PRDM1: variants seen among roughly 807,000 people sequenced by gnomAD.
PRDM1 encodes PR domain zinc finger protein 1.
A neutral mutation model predicts 62.8 loss-of-function variants in PRDM1; 13 were observed. That is an observed-to-expected ratio of 0.21 (90% confidence interval 0.13 to 0.33). PRDM1 has a LOEUF of 0.33. PRDM1 is among the 10% of genes least tolerant of loss of function. PRDM1 has a pLI of 1.00. For synonymous variants in PRDM1, 396 were observed against 417.6 expected (o/e 0.95, Z 0.63); for missense variants, 895 against 1,058.8 (o/e 0.85, Z 2.15).
chr6:105,993,215 C>A (rs1327690452), upstream of PRDM1, among the ~76,000 whole-genome samples: 2 of 152,214 alleles, frequency 1.3e-5, no homozygotes, highest in African/African-American at 4.8e-5. Flanking sequence ...TTTAAAGGAA[C>A]TGAAGTCCTA....
At chr6:106,095,031 T>C (rs574928039) in intron 2 of PRDM1, among the ~76,000 whole-genome samples, 1 of 147,822 alleles carries the variant, frequency 6.8e-6, no homozygotes, top group South Asian at 2.2e-4. Context: ...TTAAAGAGAA[T>C]GTACAAGCTA....
At chr6:106,076,497 T>C (rs968233783) in intron 1 of PRDM1, among the ~76,000 whole-genome samples, 5 of 152,186 alleles carry the variant, frequency 3.3e-5, no homozygotes, top group Admixed American at 6.5e-5. Flanking sequence ...TTAAAAAACA[T>C]GTAAGCTGTT....
intron 1 of PRDM1, among the ~76,000 whole-genome samples, chr6:106,030,731 A>T (rs748658971): frequency 2.0e-5 from 3 of 151,574 alleles, no homozygotes; most frequent in Non-Finnish European, 4.4e-5. Flanking sequence ...GTCAATTTTT[A>T]TTTTTTTTGC....
At chr6:106,097,124 A>G (rs1774134486) in intron 3 of PRDM1, among the ~76,000 whole-genome samples, 1 of 152,220 alleles carries the variant, frequency 6.6e-6, no homozygotes, top group Non-Finnish European at 1.5e-5. Flanking sequence ...TTTATTTAAT[A>G]ATTATTCCTC....
rs912339532 is a variant in PRDM1 at position 106,099,221 on chromosome 6, C to T, written c.412-79C>T. On this transcript the variant is annotated intron_variant, in intron 3 of 6. Transcript: ENST00000369096. ...GGGGATCAGAAATCACACACGGTACCGGCTGTGTTTATTCTGAGAGGTGCT... is the reference window on the plus strand; with the variant it reads ...GGGGATCAGAAATCACACACGGTACTGGCTGTGTTTATTCTGAGAGGTGCT... 1.0e-5 allele frequency: 16 copies of T among 1,603,004 alleles called. No homozygotes were observed. In the South Asian group the frequency reaches 1.3e-4, roughly 13 times the overall value.
intron 4 of PRDM1, 117 bp from the exon 5 acceptor site, chr6:106,104,708 T>C: frequency 2.3e-6 from 3 of 1,295,758 alleles, no homozygotes; most frequent in Non-Finnish European, 2.1e-6. Context: ...GCCAGATATG[T>C]GGCGATTGTG....
rs753109503 is a variant in PRDM1, at chr6:106,107,198, C to A, written c.2190C>A (p.Ile730=). 6.2e-7 allele frequency: 1 copy of A among 1,614,174 alleles called. No homozygotes were observed. The highest frequency in any genetic ancestry group is 8.5e-7 in the Non-Finnish European group (1 of 1,180,042). ...ATCTGACCCGAATCAATGAAGAAAT[C>A]GAGAAGTTTGACATCAGTGACAATG... ...LEDLTRINEE[I]EKFDISDNAD... The change falls in exon 7 of 7, where the codon ATC becomes ATA. Residue 730 remains isoleucine, a synonymous_variant. Transcript: ENST00000369096.
chr6:106,035,639 A>AT (rs200424987), intron 1 of PRDM1, among the ~76,000 whole-genome samples: 1 of 151,936 alleles, frequency 6.6e-6, no homozygotes, highest in African/African-American at 2.4e-5. Context: ...TCTCAAAAAA[A>AT]TTTAAAAAAA....
intron 1 of PRDM1, chr6:106,072,153 A>G (rs1377131045): frequency 6.6e-6 from 1 of 152,222 alleles, no homozygotes; most frequent in Non-Finnish European, 1.5e-5. Context: ...ACTCATAGAC[A>G]TTTATCTTCT....
Position 106,022,493 on chromosome 6 carries a change from A to C in PRDM1, c.-67+28854A>C, listed in dbSNP as rs144947554. On this transcript the variant is annotated intron_variant, in intron 1 of 6. Transcript: ENST00000652320. ...GCCCAGGCTGTAGTGCAATGGCTTGATCTCGGCTCACTGCAACCTCCGCCT... is the reference window on the plus strand; with the variant it reads ...GCCCAGGCTGTAGTGCAATGGCTTGCTCTCGGCTCACTGCAACCTCCGCCT... Among the ~76,000 whole-genome samples the C allele has an allele frequency of 2.1e-5, 3 of 144,850 alleles. No homozygotes were observed. The East Asian group carries it at 6.1e-4, about 30-fold the overall frequency.
At chr6:106,038,014 CTTTT>C (rs1227783243) in intron 1 of PRDM1, among the ~76,000 whole-genome samples, 23 of 47,794 alleles carry the variant, frequency 4.8e-4, no homozygotes, top group African/African-American at 1.2e-3. Flanking sequence ...CTATTTTTGT[CTTTT>C]TTTTTTTTTT....
At chr6:106,084,021 T>C (rs1773744802), upstream of PRDM1, among the ~76,000 whole-genome samples, 1 of 152,234 alleles carries the variant, frequency 6.6e-6, no homozygotes, top group Non-Finnish European at 1.5e-5. Context: ...TATTACAATA[T>C]GGACATGTTT....
Position 106,109,580 on chromosome 6 carries a change from T to TTAAC in PRDM1, c.*2096_*2099dup, listed in dbSNP as rs1318037246. 4.3e-6 allele frequency: 1 copy of TTAAC among 233,572 alleles called. No homozygotes were observed. Among genetic ancestry groups the TTAAC allele is most frequent in the Non-Finnish European group, 8.5e-6 (1 of 117,986 alleles). 14.5% of individuals were successfully genotyped at this position (233,572 alleles called of 1,614,324 possible). Reference sequence around the variant, plus strand: ...TATCAGTGTTTGATAAACACAGTCCTTAACTGAAGGTAAACCAAAGCATCA... The same window carrying TTAAC: ...TATCAGTGTTTGATAAACACAGTCCTTAACTAACTGAAGGTAAACCAAAGCATCA... On this transcript the variant is annotated 3_prime_UTR_variant, in exon 7 of 7. Transcript: ENST00000369096.
intron 1 of PRDM1, among the ~76,000 whole-genome samples, chr6:106,052,223 T>C (rs1357264887): frequency 3.3e-5 from 1 of 30,120 alleles, no homozygotes; most frequent in African/African-American, 1.3e-4. Context: ...AAGACATATT[T>C]GTCATAAGAT....
At position 106,108,795 on chromosome 6, in the gene PRDM1, AGTT is replaced by A. The variant is rs1774594360; in HGVS notation, c.*1313_*1315del. ...AATGGAAGATGAAAGGGCATTGCAA[AGTT>A]GTTCAACAACAGTTACCTCATTGAG... On this transcript the variant is annotated 3_prime_UTR_variant, in exon 7 of 7. Coordinates refer to ENST00000369096, the MANE Select transcript of PRDM1 (RefSeq NM_001198.4). 4.3e-6 allele frequency: 1 copy of A among 232,998 alleles called. No homozygotes were observed. Among genetic ancestry groups the A allele is most frequent in the East Asian group, 6.0e-5 (1 of 16,632 alleles). The allele number at this position is 232,998 out of a possible 1,614,324, so 14.4% of individuals were successfully genotyped here.
At chr6:106,047,102 A>G (rs770281523), upstream of PRDM1, among the ~76,000 whole-genome samples, 1 of 152,246 alleles carries the variant, frequency 6.6e-6, no homozygotes, top group Non-Finnish European at 1.5e-5. Context: ...AGGACTAAGT[A>G]TCCTGGGTCT....
intron 1 of PRDM1, among the ~76,000 whole-genome samples, chr6:106,011,494 A>T (rs1425267132): frequency 6.6e-6 from 1 of 152,154 alleles, no homozygotes; most frequent in East Asian, 1.9e-4. Context: ...GGGTGGAAGC[A>T]GGAAGAGTAT....
At chr6:106,009,853 G>T (rs1487189147) in intron 1 of PRDM1, among the ~76,000 whole-genome samples, 1 of 152,142 alleles carries the variant, frequency 6.6e-6, no homozygotes, top group Non-Finnish European at 1.5e-5. Flanking sequence ...GAGTAGCTGG[G>T]ATTATAGGCA....
intron 2 of PRDM1, among the ~76,000 whole-genome samples, chr6:106,092,870 G>A (rs888985875): frequency 6.6e-6 from 1 of 152,184 alleles, no homozygotes; most frequent in African/African-American, 2.4e-5. Context: ...TGGTTTGTAA[G>A]TGCCTTCCAG....
Sources: gnomAD v4.1 joint callset for allele counts (sites outside exome capture counted in the v4.1 genomes callset) on GRCh38, gnomAD v4.1.1 for gene constraint, MANE v1.5 for transcripts, NCBI Gene and HGNC (gene_info 2026-07-23, HGNC 2026-07-21) for gene names.